The following SPOCK3 variants were observed in gnomAD, a reference collection of about 807,000 sequenced individuals.
SPOCK3 encodes the protein testican-3.
In SPOCK3, 30 loss-of-function variants were observed where a neutral mutation model predicts 56.6. The ratio of observed to expected loss-of-function variants is 0.53; its 90% CI spans 0.40 to 0.72. The LOEUF (loss-of-function observed/expected upper bound fraction) is 0.72, where lower values mean the gene tolerates loss of function less well. Among genes scored for constraint, SPOCK3 ranks in the 30% least tolerant of loss-of-function variants. The pLI is 0.00. For missense variants in SPOCK3, 527 were observed against 530.0 expected (o/e 0.99, Z 0.06); for synonymous variants, 196 against 183.3 (o/e 1.07, Z -0.56).
intron 2 of SPOCK3, among the ~76,000 whole-genome samples, chr4:167,171,564 C>G (rs1392075125): frequency 6.6e-6 from 1 of 151,932 alleles, no homozygotes; most frequent in Admixed American, 6.6e-5. Context: ...TACTCATTAA[C>G]CAAATGACCA....
At chr4:166,965,689 T>C (rs1744660813) in intron 4 of SPOCK3, among the ~76,000 whole-genome samples, 1 of 152,058 alleles carries the variant, frequency 6.6e-6, no homozygotes, top group Non-Finnish European at 1.5e-5. Context: ...TCTGGGTTTA[T>C]TTTTTAAAGC....
chr4:166,835,686 T>C (rs1029398550), intron 6 of SPOCK3, among the ~76,000 whole-genome samples: 1 of 152,166 alleles, frequency 6.6e-6, no homozygotes, highest in African/African-American at 2.4e-5. Flanking sequence ...CAGAGGAATT[T>C]CATGAGACAA....
In SPOCK3 at chr4:167,126,052, G is replaced by A. The variant is rs112200719; in HGVS notation, c.190-63515C>T. ...ACAAAATACACCTAACCACAACAGA[G>A]GCTTGAAAATATATACTTATTCTAG... is the stretch of plus-strand genomic sequence containing the variant. On this transcript the variant is annotated intron_variant, in intron 2 of 10. Transcript: ENST00000357545. 3.7e-3 allele frequency among the ~76,000 whole-genome samples: 564 copies of A among 152,158 alleles called. 5 individuals carry two copies. The highest frequency in any genetic ancestry group is 0.017 in the Middle Eastern group (5 of 294).
intron 7 of SPOCK3, among the ~76,000 whole-genome samples, chr4:166,779,492 C>CA (rs896673016): frequency 4.1e-5 from 6 of 147,296 alleles, no homozygotes; most frequent in Non-Finnish European, 7.5e-5. Context: ...ATGACAGTAA[C>CA]AAAAAAAACC....
In SPOCK3 at chr4:167,234,307, G is replaced by A; in HGVS notation, c.1-134C>T. The A allele has an allele frequency of 3.6e-6, 3 of 831,888 alleles. No homozygotes were observed. The South Asian group carries it at 4.9e-5, about 14-fold the overall frequency. The allele number at this position is 831,888 out of a possible 1,614,324, so 51.5% of individuals were successfully genotyped here. ...GGGAGGAGGAGACAAGCAGAGGCAA[G>A]CGTGTCCCCTCCCCGCAGGCTTTAC... On this transcript the variant is annotated intron_variant, in intron 1 of 10. Transcript: ENST00000357545.
chr4:167,026,104 G>A (rs1751675111), intron 3 of SPOCK3, among the ~76,000 whole-genome samples: 1 of 152,044 alleles, frequency 6.6e-6, no homozygotes. Flanking sequence ...GTTTTCTTAT[G>A]GAACCACCAT....
At chr4:167,163,573 CA>C (rs1765506926) in intron 2 of SPOCK3, among the ~76,000 whole-genome samples, 1 of 151,960 alleles carries the variant, frequency 6.6e-6, no homozygotes, top group Non-Finnish European at 1.5e-5. Context: ...CCACTTTCCC[CA>C]CCCCTCCCCA....
chr4:167,226,285 C>T (rs1736585564), intron 2 of SPOCK3, among the ~76,000 whole-genome samples: 1 of 152,142 alleles, frequency 6.6e-6, no homozygotes, highest in Non-Finnish European at 1.5e-5. Flanking sequence ...CACTCTACTA[C>T]TTACTACCAA....
At chr4:167,111,530 G>A (rs1340112498) in intron 2 of SPOCK3, among the ~76,000 whole-genome samples, 1 of 151,840 alleles carries the variant, frequency 6.6e-6, no homozygotes. Flanking sequence ...AAATTTTTAG[G>A]ACTAATTTCT....
chr4:166,810,271 T>C (rs776536916), intron 6 of SPOCK3, among the ~76,000 whole-genome samples: 5 of 152,140 alleles, frequency 3.3e-5, no homozygotes, highest in East Asian at 1.9e-4. Flanking sequence ...CAATAAAATA[T>C]AATAACATGC....
intron 6 of SPOCK3, among the ~76,000 whole-genome samples, chr4:166,844,138 C>T (rs1235672688): frequency 6.6e-6 from 1 of 152,130 alleles, no homozygotes; most frequent in Non-Finnish European, 1.5e-5. Context: ...TTAGAAAAGC[C>T]CACTGATGTC....
chr4:166,946,353 C>A (rs1205631999), intron 4 of SPOCK3, among the ~76,000 whole-genome samples: 1 of 152,170 alleles, frequency 6.6e-6, no homozygotes, highest in South Asian at 2.1e-4. Flanking sequence ...CATAATCAGA[C>A]TCTTATTTTT....
chr4:167,167,631 A>G (rs559698226), intron 2 of SPOCK3, among the ~76,000 whole-genome samples: 3 of 152,320 alleles, frequency 2.0e-5, no homozygotes, highest in African/African-American at 4.8e-5. Flanking sequence ...GTGATAGAGG[A>G]TCTGTATAGT....
intron 7 of SPOCK3, among the ~76,000 whole-genome samples, chr4:166,787,586 G>A (rs559577723): frequency 9.9e-5 from 15 of 152,038 alleles, no homozygotes; most frequent in East Asian, 5.8e-4. Flanking sequence ...ACAAACAAGC[G>A]TTTTTATACA....
intron 5 of SPOCK3, among the ~76,000 whole-genome samples, chr4:166,890,344 A>T (rs1734642263): frequency 6.6e-6 from 1 of 151,850 alleles, no homozygotes; most frequent in Non-Finnish European, 1.5e-5. Context: ...TCTCAGCCTC[A>T]ATTTTCCCAT....
intron 3 of SPOCK3, among the ~76,000 whole-genome samples, chr4:167,052,300 A>G (rs1275932912): frequency 6.6e-6 from 1 of 152,178 alleles, no homozygotes; most frequent in Non-Finnish European, 1.5e-5. Flanking sequence ...ATAAATGAGC[A>G]TTTACTGTTG....
At chr4:167,103,793 T>A (rs1759860044) in intron 2 of SPOCK3, among the ~76,000 whole-genome samples, 1 of 152,164 alleles carries the variant, frequency 6.6e-6, no homozygotes, top group Admixed American at 6.5e-5. Flanking sequence ...TGAGACTCAG[T>A]GCTGTGCTAG....
At chr4:166,778,798 G>A (rs1739853572) in intron 7 of SPOCK3, among the ~76,000 whole-genome samples, 2 of 151,924 alleles carry the variant, frequency 1.3e-5, no homozygotes, top group African/African-American at 4.8e-5. Context: ...TGCGTGTTGA[G>A]GAAGGAGGTT....
intron 7 of SPOCK3, among the ~76,000 whole-genome samples, chr4:166,776,517 A>C (rs1739568674): frequency 6.6e-6 from 1 of 152,224 alleles, no homozygotes; most frequent in Non-Finnish European, 1.5e-5. Context: ...GGAAGAAAAT[A>C]TTCAATTAAC....
Sources: allele counts gnomAD v4.1 joint callset (sites outside exome capture counted in the v4.1 genomes callset), GRCh38; gene constraint gnomAD v4.1.1; transcripts MANE v1.5; gene names NCBI Gene and HGNC (gene_info 2026-07-23, HGNC 2026-07-21).